RBM19: variants seen among roughly 807,000 people sequenced by gnomAD.
RBM19 encodes probable RNA-binding protein 19.
In RBM19, 94 loss-of-function variants were observed where a neutral mutation model predicts 116.8. The ratio of observed to expected loss-of-function variants is 0.80; its 90% CI spans 0.68 to 0.95. The LOEUF (loss-of-function observed/expected upper bound fraction) is 0.95. Ranked by LOEUF, RBM19 falls within the 40% of genes least tolerant of loss-of-function variation. The probability of loss-of-function intolerance (pLI) is 0.00; values close to 1 mark genes in which losing one functional copy is unlikely to be tolerated. For missense variants in RBM19, 1,161 were observed against 1,220.7 expected (o/e 0.95, Z 0.73); for synonymous variants, 475 against 494.1 (o/e 0.96, Z 0.51).
At position 113,886,757 on chromosome 12, in the gene RBM19, T is replaced by C. The variant is rs114956889; in HGVS notation, c.2559-27861A>G. On this transcript the variant is annotated intron_variant, in intron 21 of 23. Coordinates refer to ENST00000261741, the MANE Select transcript of RBM19 (RefSeq NM_016196.4). ...CATGAGGAAAAAACACTCATTTTCTTTGGATGGAGATCCTATGGGTCCACC... is the reference window on the plus strand; with the variant it reads ...CATGAGGAAAAAACACTCATTTTCTCTGGATGGAGATCCTATGGGTCCACC... Among the ~76,000 whole-genome samples the C allele has an allele frequency of 4.6e-3, 701 of 152,362 alleles. 8 individuals are homozygous for C. The highest frequency in any genetic ancestry group is 0.016 in the African/African-American group (662 of 41,584).
intron 11 of RBM19, among the ~76,000 whole-genome samples, chr12:113,946,812 G>T (rs1236525197): frequency 6.6e-6 from 1 of 152,234 alleles, no homozygotes; most frequent in East Asian, 1.9e-4. Flanking sequence ...GTGGGGCCAG[G>T]TCTGGCCTGA....
At position 113,947,383 on chromosome 12, in the gene RBM19, G is replaced by A; in HGVS notation, c.1358C>T (p.Pro453Leu). The change falls in exon 11 of 24, where the codon CCT (proline) becomes CTT (leucine). Residue 453 changes from proline to leucine, a missense_variant. Physicochemically the swap from Pro to Leu is moderately conservative, Grantham distance 98 (BLOSUM62 -3). Transcript: ENST00000261741. ...CGAGTAGGCCTTCACAGCGTGCTCA[G>A]GGAACATGAAGGTGATGAATGCAAA... is the stretch of plus-strand genomic sequence containing the variant. The part of the protein sequence containing the change: ...KGFAFITFMF[P>L]EHAVKAYSEV... 1 of 1,611,302 alleles carries A rather than the reference G, an allele frequency of 6.2e-7. No individual in the cohort carries two copies. Among genetic ancestry groups the A allele is most frequent in the Non-Finnish European group, 8.5e-7 (1 of 1,177,634 alleles).
intron 6 of RBM19, among the ~76,000 whole-genome samples, chr12:113,956,035 C>T (rs569661697): frequency 3.9e-5 from 6 of 152,168 alleles, no homozygotes; most frequent in South Asian, 4.1e-4. Context: ...TTTTTGTAAA[C>T]GAAAATTCAG....
At chr12:113,831,110 A>G (rs1176134137) in intron 23 of RBM19, among the ~76,000 whole-genome samples, 1 of 152,214 alleles carries the variant, frequency 6.6e-6, no homozygotes, top group East Asian at 1.9e-4. Flanking sequence ...GCCAAATCTG[A>G]TTTTTCAGAA....
At chr12:113,870,183 T>C (rs1879115040) in intron 21 of RBM19, among the ~76,000 whole-genome samples, 1 of 152,148 alleles carries the variant, frequency 6.6e-6, no homozygotes, top group Non-Finnish European at 1.5e-5. Flanking sequence ...GAGCAGGCGA[T>C]GGCAAGCAGG....
At chr12:113,952,656 T>G in intron 7 of RBM19, 66 bp from the exon 8 acceptor site, 1 of 1,282,946 alleles carries the variant, frequency 7.8e-7, no homozygotes, top group Non-Finnish European at 1.1e-6. Flanking sequence ...CGAAAAGACA[T>G]GGGGCAAATT....
chr12:113,866,885 G>T (rs1878849498), intron 21 of RBM19, among the ~76,000 whole-genome samples: 1 of 152,218 alleles, frequency 6.6e-6, no homozygotes, highest in Non-Finnish European at 1.5e-5. Flanking sequence ...TTAAAATATT[G>T]GTAACAAAGT....
intron 21 of RBM19, among the ~76,000 whole-genome samples, chr12:113,891,373 G>A (rs1186419271): frequency 6.6e-6 from 1 of 152,178 alleles, no homozygotes; most frequent in Admixed American, 6.5e-5. Context: ...AAGCCCCAGG[G>A]AGTACAAAGA....
chr12:113,955,213 T>C lies in RBM19; in HGVS notation c.841-2A>G. On this transcript the variant is annotated splice_acceptor_variant, in intron 6 of 23. Coordinates refer to ENST00000261741, the MANE Select transcript of RBM19 (RefSeq NM_016196.4). LOFTEE classifies it high-confidence loss of function. ...CTTCTGGTTTGCTGGTTTCTCTGTC[T>C]GAGTGATCACAAAAACAAACAGAAG... The C allele has an allele frequency of 6.2e-7, 1 of 1,613,916 alleles. No homozygotes were observed. The highest frequency in any genetic ancestry group is 2.2e-5 in the East Asian group (1 of 44,884).
chr12:113,939,462 T>A (rs554067966), intron 15 of RBM19, among the ~76,000 whole-genome samples: 1 of 152,116 alleles, frequency 6.6e-6, no homozygotes, highest in East Asian at 1.9e-4. Context: ...AGAACTCCCT[T>A]CTCCCGGCCC....
intron 21 of RBM19, among the ~76,000 whole-genome samples, chr12:113,879,007 T>G (rs1047556496): frequency 1.3e-5 from 2 of 152,138 alleles, no homozygotes; most frequent in African/African-American, 4.8e-5. Flanking sequence ...AACTAGACCG[T>G]GTGTCCCATC....
chr12:113,890,021 C>T (rs1430695205), intron 21 of RBM19, among the ~76,000 whole-genome samples: 1 of 152,226 alleles, frequency 6.6e-6, no homozygotes, highest in Non-Finnish European at 1.5e-5. Context: ...GGGCTGGAGC[C>T]CAGGCAGCTG....
intron 23 of RBM19, among the ~76,000 whole-genome samples, chr12:113,839,130 C>A (rs1876231571): frequency 6.6e-6 from 1 of 152,232 alleles, no homozygotes; most frequent in Non-Finnish European, 1.5e-5. Flanking sequence ...AGGCCAGAGC[C>A]AGGGGAGGGA....
At chr12:113,872,367 GGC>G (rs1879288429) in intron 21 of RBM19, among the ~76,000 whole-genome samples, 1 of 150,106 alleles carries the variant, frequency 6.7e-6, no homozygotes, top group African/African-American at 2.5e-5. Flanking sequence ...CTCTCTGCCC[GGC>G]AGCCACCCCG....
At chr12:113,913,653 G>T (rs779967743) in intron 21 of RBM19, among the ~76,000 whole-genome samples, 4 of 152,214 alleles carry the variant, frequency 2.6e-5, no homozygotes, top group Non-Finnish European at 5.9e-5. Context: ...GCCACACAAA[G>T]ATAATTGTTT....
intron 16 of RBM19, among the ~76,000 whole-genome samples, chr12:113,935,001 C>T (rs1869924168): frequency 6.6e-6 from 1 of 152,160 alleles, no homozygotes; most frequent in Admixed American, 6.5e-5. Context: ...GGAGACAGCC[C>T]CATTCCCTGC....
intron 5 of RBM19, among the ~76,000 whole-genome samples, chr12:113,958,672 A>G (rs1411750796): frequency 6.6e-6 from 1 of 152,138 alleles, no homozygotes; most frequent in Non-Finnish European, 1.5e-5. Context: ...CTTTAGACCC[A>G]AATAGATGCC....
chr12:113,895,920 T>C (rs569094295), intron 21 of RBM19, among the ~76,000 whole-genome samples: 14 of 151,606 alleles, frequency 9.2e-5, no homozygotes, highest in African/African-American at 3.4e-4. Context: ...AAATCCAATA[T>C]ATACATTTCG....
rs549698358 is a variant in RBM19 at position 113,955,354 on chromosome 12, A to G, written c.841-143T>C. Reference sequence around the variant, plus strand: ...GGAATGCTGGGAAGAATCAATGTCCACCGTGTATGGAGTCTGGCCAGAGGT... The same window carrying G: ...GGAATGCTGGGAAGAATCAATGTCCGCCGTGTATGGAGTCTGGCCAGAGGT... On this transcript the variant is annotated intron_variant, in intron 6 of 23. Coordinates refer to ENST00000261741, the MANE Select transcript of RBM19 (RefSeq NM_016196.4). The G allele has an allele frequency of 1.1e-4, 84 of 785,406 alleles. No individual in the cohort carries two copies. The African/African-American group carries it at 1.1e-3, about 10-fold the overall frequency. 48.7% of individuals were successfully genotyped at this position (785,406 alleles called of 1,614,324 possible).
Sources: allele counts gnomAD v4.1 joint callset (sites outside exome capture counted in the v4.1 genomes callset), GRCh38; gene constraint gnomAD v4.1.1; transcripts MANE v1.5; gene names NCBI Gene and HGNC (gene_info 2026-07-23, HGNC 2026-07-21).